MBOAT1: variants seen among roughly 807,000 people sequenced by gnomAD.
MBOAT1 encodes the protein membrane-bound glycerophospholipid O-acyltransferase 1.
Under a neutral mutation model 64.4 loss-of-function variants are expected in MBOAT1, and 67 were observed. The ratio of observed to expected loss-of-function variants is 1.04; its 90% confidence interval spans 0.85 to 1.27. The LOEUF is 1.27. Among genes scored for constraint, MBOAT1 ranks in the 50% most tolerant of loss-of-function variants. MBOAT1 has a pLI of 0.00. For synonymous variants in MBOAT1, 229 were observed against 218.9 expected (o/e 1.05, Z -0.41); for missense variants, 563 against 604.6 (o/e 0.93, Z 0.72).
chr6:20,115,344 T>G lies in MBOAT1; in HGVS notation c.1020A>C (p.Thr340=). The part of the protein sequence containing the change: ...NLNIWKIETA[T]SFKMYLENWN... The stretch of plus-strand genomic sequence containing the variant: ...AGTTTTCCAAGTACATTTTGAAACT[T>G]GTGGCAGTCTGGAAAGAAGAAAATA... The change falls in exon 10 of 13, where the codon ACA becomes ACC. Residue 340 remains threonine, a synonymous_variant. Coordinates refer to ENST00000324607, the MANE Select transcript of MBOAT1 (RefSeq NM_001080480.3). 6.2e-7 allele frequency: 1 copy of G among 1,613,592 alleles called. No individual in the cohort carries two copies.
At chr6:20,146,305 C>A (rs9350215) in intron 3 of MBOAT1, among the ~76,000 whole-genome samples, 32,834 of 152,180 alleles carry the variant, frequency 0.22, 4,337 homozygotes, top group East Asian at 0.47. Context: ...AAAATTCATT[C>A]GGTAGCAAGG....
At chr6:20,118,108 G>A (rs1760381119) in intron 9 of MBOAT1, among the ~76,000 whole-genome samples, 1 of 152,194 alleles carries the variant, frequency 6.6e-6, no homozygotes, top group South Asian at 2.1e-4. Flanking sequence ...TAGGTAGAAA[G>A]AGAAGAGAGA....
At chr6:20,197,213 T>C (rs1401625890) in intron 1 of MBOAT1, among the ~76,000 whole-genome samples, 2 of 152,066 alleles carry the variant, frequency 1.3e-5, no homozygotes, top group Admixed American at 6.5e-5. Context: ...CAGCCTCCCA[T>C]GTAGCTGGGC....
chr6:20,137,883 T>G (rs918212986), intron 4 of MBOAT1, among the ~76,000 whole-genome samples: 1 of 152,214 alleles, frequency 6.6e-6, no homozygotes, highest in Non-Finnish European at 1.5e-5. Flanking sequence ...TCAGGCTGCT[T>G]TAAAACACCA....
rs1194100598 is a variant in MBOAT1 at position 20,208,448 on chromosome 6, A to AAAAAAAAAAAAAAAAAG, written c.99+3687_99+3688insCTTTTTTTTTTTTTTTT. The stretch of plus-strand genomic sequence containing the variant: ...GTGACAGAGCTAGACTCTGTCTCAA[A>AAAAAAAAAAAAAAAAAG]AAAAAAAAGAAACTTTGTAGTCATG... On this transcript the variant is annotated intron_variant, in intron 1 of 12. Transcript: ENST00000324607. Among the ~76,000 whole-genome samples the AAAAAAAAAAAAAAAAAG allele has an allele frequency of 6.0e-5, 9 of 149,516 alleles. 1 individual carries two copies. Among genetic ancestry groups the AAAAAAAAAAAAAAAAAG allele is most frequent in the African/African-American group, 1.9e-4 (8 of 41,164 alleles).
chr6:20,102,876 TCGTAGC>T (rs1339165304), intron 12 of MBOAT1, among the ~76,000 whole-genome samples: 6 of 152,204 alleles, frequency 3.9e-5, no homozygotes, highest in Non-Finnish European at 8.8e-5. Flanking sequence ...CCTAGTGACG[TCGTAGC>T]CATCGTAATG....
chr6:20,159,631 G>A (rs960375887), intron 1 of MBOAT1, among the ~76,000 whole-genome samples: 1 of 152,130 alleles, frequency 6.6e-6, no homozygotes, highest in African/African-American at 2.4e-5. Context: ...GTGGAAGGAA[G>A]TAGAGGAAGA....
Position 20,196,268 on chromosome 6 carries a change from A to T in MBOAT1, c.99+15868T>A, listed in dbSNP as rs9465653. Among the ~76,000 whole-genome samples, 329 of 152,372 alleles carry T rather than the reference A, an allele frequency of 2.2e-3. 1 individual carries two copies. Among genetic ancestry groups the T allele is most frequent in the African/African-American group, 7.5e-3 (313 of 41,594 alleles). The stretch of plus-strand genomic sequence containing the variant: ...TTAAATCTGGTCTCAAAATATTCCC[A>T]CAGATAATGCACAACAGAACATAAG... On this transcript the variant is annotated intron_variant, in intron 1 of 12. Coordinates refer to ENST00000324607, the MANE Select transcript of MBOAT1 (RefSeq NM_001080480.3).
chr6:20,141,848 G>A lies in MBOAT1; in HGVS notation c.419+2372C>T, dbSNP rs151010246. Among the ~76,000 whole-genome samples the A allele has an allele frequency of 2.0e-3, 303 of 152,182 alleles. 1 individual carries two copies. Among genetic ancestry groups the A allele is most frequent in the Non-Finnish European group, 3.2e-3 (217 of 67,996 alleles). On this transcript the variant is annotated intron_variant, in intron 4 of 12. Coordinates refer to ENST00000324607, the MANE Select transcript of MBOAT1 (RefSeq NM_001080480.3). ...GGATTCTAGTGACAGACAGGCTGTC[G>A]TAATGAGAGGACCTGGTGACACAAG...
intron 10 of MBOAT1, among the ~76,000 whole-genome samples, chr6:20,114,963 C>A (rs1006297141): frequency 6.6e-6 from 1 of 151,956 alleles, no homozygotes; most frequent in African/African-American, 2.4e-5. Context: ...TGACTTTGGG[C>A]AAGTGACATA....
At chr6:20,202,159 C>G (rs896219034) in intron 1 of MBOAT1, among the ~76,000 whole-genome samples, 1 of 152,110 alleles carries the variant, frequency 6.6e-6, no homozygotes, top group Non-Finnish European at 1.5e-5. Flanking sequence ...TTTGCTGACT[C>G]ATCTGTTTCA....
chr6:20,192,859 T>C (rs1218050154), intron 1 of MBOAT1, among the ~76,000 whole-genome samples: 1 of 152,034 alleles, frequency 6.6e-6, no homozygotes, highest in East Asian at 1.9e-4. Context: ...CTCTTCCTAG[T>C]CCTATGCCAG....
chr6:20,183,888 T>TTTC (rs770194502), intron 1 of MBOAT1, among the ~76,000 whole-genome samples: 2 of 152,298 alleles, frequency 1.3e-5, no homozygotes, highest in Non-Finnish European at 2.9e-5. Context: ...CGAAAGGCAC[T>TTTC]TCTTACATGG....
chr6:20,151,288 G>A (rs542420469), intron 2 of MBOAT1, 26 bp from the exon 3 acceptor site: 25 of 1,519,758 alleles, frequency 1.6e-5, no homozygotes, highest in South Asian at 1.1e-4. Flanking sequence ...GTAGGGGGAG[G>A]AGTAATGAAT....
chr6:20,203,326 A>G (rs1362733871), intron 1 of MBOAT1, among the ~76,000 whole-genome samples: 1 of 152,216 alleles, frequency 6.6e-6, no homozygotes, highest in African/African-American at 2.4e-5. Context: ...AGCTGCATTT[A>G]TAACTGGAGG....
rs564761811 is a variant in MBOAT1, at chr6:20,125,699, T to C, written c.714+818A>G. On this transcript the variant is annotated intron_variant, in intron 7 of 12. Coordinates refer to ENST00000324607, the MANE Select transcript of MBOAT1 (RefSeq NM_001080480.3). ...TTTGGTAAAGCAGATGAACTTGAGATACTTGACCAACCATAAAGTGCTGAG... is the reference window on the plus strand; with the variant it reads ...TTTGGTAAAGCAGATGAACTTGAGACACTTGACCAACCATAAAGTGCTGAG... Among the ~76,000 whole-genome samples the C allele has an allele frequency of 1.2e-4, 18 of 152,362 alleles. No homozygotes were observed. The South Asian group carries it at 2.7e-3, about 23-fold the overall frequency.
Position 20,115,296 on chromosome 6 carries a change from C to A in MBOAT1, c.1068G>T (p.Trp356Cys), listed in dbSNP as rs762320145. The change falls in exon 10 of 13, where the codon TGG (tryptophan) becomes TGT (cysteine). Residue 356 changes from tryptophan (W) to cysteine (C), a missense_variant. Physicochemically the swap from Trp to Cys is radical, Grantham distance 215. Coordinates refer to ENST00000324607, the MANE Select transcript of MBOAT1 (RefSeq NM_001080480.3). ...LENWNIQTAT[W>C]LKCVCYQRVP... ...GTTTTTGTTTTTCTTACCACTTTAG[C>A]CAAGTAGCTGTCTGAATATTCCAGT... The A allele has an allele frequency of 1.2e-6, 2 of 1,613,842 alleles. No individual in the cohort carries two copies. The highest frequency in any genetic ancestry group is 1.7e-6 in the Non-Finnish European group (2 of 1,179,766).
intron 8 of MBOAT1, among the ~76,000 whole-genome samples, chr6:20,120,910 C>A (rs1760476415): frequency 6.6e-6 from 1 of 151,920 alleles, no homozygotes; most frequent in African/African-American, 2.4e-5. Flanking sequence ...TCTAAGTTCA[C>A]CAGTCCAAAA....
At chr6:20,118,250 T>TAA (rs11448219) in intron 9 of MBOAT1, among the ~76,000 whole-genome samples, 187 bp downstream of exon 9, 30 of 145,798 alleles carry the variant, frequency 2.1e-4, no homozygotes, top group East Asian at 1.8e-3. Context: ...GTAGATATCT[T>TAA]AAAAAAAAAA....
Sources: allele counts gnomAD v4.1 joint callset (sites outside exome capture counted in the v4.1 genomes callset), GRCh38; gene constraint gnomAD v4.1.1; transcripts MANE v1.5; gene names NCBI Gene and HGNC (gene_info 2026-07-23, HGNC 2026-07-21).